Variants in NDUFA10 observed in about 807,000 individuals in gnomAD.
NDUFA10 encodes the protein NADH dehydrogenase [ubiquinone] 1 alpha subcomplex subunit 10, mitochondrial.
A neutral mutation model predicts 47.8 loss-of-function variants in NDUFA10; 40 were observed. The observed-to-expected ratio is 0.84, with a 90% CI of 0.65 to 1.09. NDUFA10 has a LOEUF of 1.09. NDUFA10 is among the 50% of genes least tolerant of loss of function. The probability of loss-of-function intolerance (pLI) is 0.00; values close to 1 mark genes in which losing one functional copy is unlikely to be tolerated. For missense variants in NDUFA10, 413 were observed against 451.1 expected (o/e 0.92, Z 0.76); for synonymous variants, 183 against 172.2 (o/e 1.06, Z -0.49).
intron 4 of NDUFA10, among the ~76,000 whole-genome samples, chr2:239,950,191 GGTCCACCCTCA>G (rs1467464772): frequency 6.6e-6 from 1 of 152,160 alleles, no homozygotes; most frequent in Non-Finnish European, 1.5e-5. Context: ...GTGTGGCTTT[GGTCCACCCTCA>G]GCAGTACAGG....
chr2:239,925,493 C>A (rs557988294), intron 4 of NDUFA10, among the ~76,000 whole-genome samples: 1 of 152,128 alleles, frequency 6.6e-6, no homozygotes, highest in Admixed American at 6.5e-5. Flanking sequence ...AAATGAACTG[C>A]GACCTAAGTC....
chr2:239,925,982 T>C (rs1181674312), intron 4 of NDUFA10, among the ~76,000 whole-genome samples: 1 of 152,178 alleles, frequency 6.6e-6, no homozygotes. Context: ...AAATTAAAAA[T>C]AGAGACCACA....
At chr2:239,915,704 C>G (rs974242134) in intron 4 of NDUFA10, among the ~76,000 whole-genome samples, 18 of 150,836 alleles carry the variant, frequency 1.2e-4, no homozygotes, top group Non-Finnish European at 5.9e-5. Flanking sequence ...CACATACATA[C>G]ACAGACATAC....
chr2:239,960,048 T>C lies in NDUFA10; in HGVS notation c.*1070A>G, dbSNP rs1694787051. 1 of 984,880 alleles carries C rather than the reference T, an allele frequency of 1.0e-6. No homozygotes were observed. Among genetic ancestry groups the C allele is most frequent in the African/African-American group, 1.7e-5 (1 of 57,228 alleles). The allele number at this position is 984,880 out of a possible 1,614,324, so 61.0% of individuals were successfully genotyped here. A position where few individuals can be genotyped will look rare whatever the true frequency, so the allele number is the denominator to read the frequency against. ...GCAACCAAGGAACCCAATTTTAAAC[T>C]CTATTACATTTTAGCTCATTTAAAT... On this transcript the variant is annotated 3_prime_UTR_variant, in exon 10 of 10. Coordinates refer to ENST00000252711, the MANE Select transcript of NDUFA10 (RefSeq NM_004544.4).
At chr2:239,899,111 CGGAGGGGTGTGATGGAGAGGTGTGAT>C (rs1693477296) in intron 4 of NDUFA10, among the ~76,000 whole-genome samples, 1 of 3,592 alleles carries the variant, frequency 2.8e-4, no homozygotes, top group Non-Finnish European at 5.3e-4. Context: ...AGGGGTGTGA[CGGAGGGGTGTGATGGAGAGGTGTGAT>C]GGAGGGGTGT....
chr2:239,927,371 G>A (rs1378662215), intron 4 of NDUFA10, among the ~76,000 whole-genome samples: 1 of 152,088 alleles, frequency 6.6e-6, no homozygotes, highest in Non-Finnish European at 1.5e-5. Context: ...GTAAGCTAAG[G>A]TTAGCTTACT....
At chr2:239,981,842 G>A (rs1695788801) in intron 9 of NDUFA10, among the ~76,000 whole-genome samples, 1 of 151,798 alleles carries the variant, frequency 6.6e-6, no homozygotes. Context: ...AAATTAATTG[G>A]GATTATAGAA....
At chr2:239,952,771 G>C (rs1430630635), downstream of NDUFA10, among the ~76,000 whole-genome samples, 1 of 152,238 alleles carries the variant, frequency 6.6e-6, no homozygotes, top group East Asian at 1.9e-4. Flanking sequence ...CCCCGGAGGG[G>C]TGCAGCCAGC....
intron 9 of NDUFA10, chr2:239,982,142 C>A (rs373687212): frequency 5.6e-6 from 9 of 1,612,848 alleles, no homozygotes; most frequent in South Asian, 5.5e-5. Flanking sequence ...GGTCTTCCCA[C>A]CTCCAAAGAC....
At chr2:240,012,107 C>T (rs913948559) in intron 5 of NDUFA10, 2 of 254,366 alleles carry the variant, frequency 7.9e-6, no homozygotes, top group Non-Finnish European at 1.6e-5. Context: ...TCACCTGACT[C>T]TCCCTGCATC....
intron 9 of NDUFA10, among the ~76,000 whole-genome samples, chr2:239,985,911 CAAA>C (rs34928768): frequency 0.23 from 20,853 of 91,658 alleles, 2,202 homozygotes; most frequent in African/African-American, 0.43. Context: ...GATTCTGTCT[CAAA>C]AAAAAAAAAA....
rs934521251 is a variant in NDUFA10 at position 239,977,949 on chromosome 2, C to G, written c.999+12125G>C. Among the ~76,000 whole-genome samples, 18 of 152,304 alleles carry G rather than the reference C, an allele frequency of 1.2e-4. 2 individuals are homozygous for G. The highest frequency in any genetic ancestry group is 1.2e-3 in the Admixed American group (18 of 15,302). On this transcript the variant is annotated intron_variant, in intron 9 of 9. Transcript: ENST00000252711. ...TCTCCCCATGGGAGGAAAGAGCCCT[C>G]ACCCACCCCTCCAGCCTCCCCTCAG...
At chr2:239,893,758 C>G (rs1693337833) in intron 5 of NDUFA10, among the ~76,000 whole-genome samples, 2 of 152,216 alleles carry the variant, frequency 1.3e-5, no homozygotes, top group South Asian at 4.1e-4. Context: ...ACACATCATT[C>G]AAACCACGCA....
At chr2:239,921,713 A>T (rs1478548623) in intron 4 of NDUFA10, among the ~76,000 whole-genome samples, 4 of 152,152 alleles carry the variant, frequency 2.6e-5, no homozygotes, top group Admixed American at 6.5e-5. Flanking sequence ...CAGGCCGAGG[A>T]GACCCGGGAT....
chr2:240,022,307 G>A lies in NDUFA10; in HGVS notation c.109C>T (p.Arg37Cys), dbSNP rs771275102. Reference sequence around the variant, plus strand: ...AGTAGGAAATGCCACATTCCATAGCGCAGTTTGCACTGCACACTGCTATGA... The same window carrying A: ...AGTAGGAAATGCCACATTCCATAGCACAGTTTGCACTGCACACTGCTATGA... ...GIHSSVQCKLRYGMWHFLLGD... is the reference protein window; with the variant it reads ...GIHSSVQCKLCYGMWHFLLGD... The change falls in exon 2 of 10, where the codon CGC (arginine) becomes TGC (cysteine). Residue 37 changes from arginine to cysteine, a missense_variant. Transcript: ENST00000252711. The A allele has an allele frequency of 2.4e-5, 39 of 1,613,762 alleles. No homozygotes were observed. Among genetic ancestry groups the A allele is most frequent in the South Asian group, 7.7e-5 (7 of 91,082 alleles).
chr2:239,916,401 AAC>A (rs1292424354), intron 4 of NDUFA10, among the ~76,000 whole-genome samples: 1 of 151,676 alleles, frequency 6.6e-6, no homozygotes, highest in Non-Finnish European at 1.5e-5. Flanking sequence ...CACACATACA[AAC>A]ACACACAGTA....
intron 6 of NDUFA10, among the ~76,000 whole-genome samples, chr2:240,009,697 G>A (rs553454841): frequency 3.9e-5 from 6 of 152,262 alleles, no homozygotes; most frequent in African/African-American, 9.6e-5. Context: ...GAACTTCAAC[G>A]GAGCCATCAT....
intron 4 of NDUFA10, among the ~76,000 whole-genome samples, chr2:240,017,045 C>G (rs533227585): frequency 1.8e-4 from 28 of 152,304 alleles, no homozygotes; most frequent in Middle Eastern, 6.8e-3. Flanking sequence ...CTGCCCAGTG[C>G]AGCCTCCCTG....
chr2:239,930,771 G>A (rs1456798948), intron 4 of NDUFA10, among the ~76,000 whole-genome samples: 7 of 151,828 alleles, frequency 4.6e-5, no homozygotes, highest in East Asian at 1.9e-4. Flanking sequence ...TGGGTACAGC[G>A]AGCTCAGGAG....
Sources: allele counts gnomAD v4.1 joint callset (sites outside exome capture counted in the v4.1 genomes callset), GRCh38; gene constraint gnomAD v4.1.1; transcripts MANE v1.5; gene names NCBI Gene and HGNC (gene_info 2026-07-23, HGNC 2026-07-21).